Variants in APLF observed in about 807,000 individuals in gnomAD.
APLF encodes the protein aprataxin and PNK-like factor.
APLF carries 61 observed loss-of-function variants against 55.6 expected under a neutral mutation model. That is an observed-to-expected ratio of 1.10 (90% CI 0.89 to 1.36). The LOEUF is 1.36. Ranked by LOEUF, APLF falls within the 40% of genes most tolerant of loss-of-function variation. APLF has a pLI of 0.00. For missense variants in APLF, 611 were observed against 602.5 expected (o/e 1.01, Z -0.15); for synonymous variants, 207 against 214.8 (o/e 0.96, Z 0.32).
chr2:68,567,122 C>CT (rs1250067512), intron 8 of APLF, among the ~76,000 whole-genome samples: 8 of 151,932 alleles, frequency 5.3e-5, no homozygotes, highest in Non-Finnish European at 1.2e-4. Context: ...GAGGTAAGAA[C>CT]TTTGTCTTCT....
At chr2:68,507,982 AT>A (rs1446630791) in intron 3 of APLF, among the ~76,000 whole-genome samples, 1 of 151,846 alleles carries the variant, frequency 6.6e-6, no homozygotes, top group Non-Finnish European at 1.5e-5. Flanking sequence ...GGTGATGAAA[AT>A]GTCATGATAG....
chr2:68,550,269 T>C (rs1670819946), intron 8 of APLF, among the ~76,000 whole-genome samples: 1 of 152,178 alleles, frequency 6.6e-6, no homozygotes, highest in South Asian at 2.1e-4. Flanking sequence ...TTTTACTCTC[T>C]TGTCTAGGCT....
intron 6 of APLF, among the ~76,000 whole-genome samples, chr2:68,530,045 G>C (rs1251697676): frequency 1.3e-5 from 2 of 152,194 alleles, no homozygotes; most frequent in Non-Finnish European, 2.9e-5. Context: ...GCGGTGCCCT[G>C]ACCTGACTGG....
chr2:68,505,543 G>A (rs1041731997), intron 3 of APLF, among the ~76,000 whole-genome samples: 6 of 151,922 alleles, frequency 3.9e-5, no homozygotes, highest in Non-Finnish European at 5.9e-5. Context: ...ACTTTTCTCA[G>A]GCTATTTAAA....
intron 7 of APLF, among the ~76,000 whole-genome samples, chr2:68,540,684 A>G (rs1670522310): frequency 6.6e-6 from 1 of 152,074 alleles, no homozygotes; most frequent in South Asian, 2.1e-4. Context: ...TGCAAGAATC[A>G]ATATTGTAAA....
At chr2:68,468,297 C>A (rs1196577459) in intron 1 of APLF, among the ~76,000 whole-genome samples, 1 of 152,146 alleles carries the variant, frequency 6.6e-6, no homozygotes, top group Non-Finnish European at 1.5e-5. Context: ...GTCTTCTAGG[C>A]TAATTTCTTT....
intron 1 of APLF, among the ~76,000 whole-genome samples, chr2:68,483,964 A>C (rs756787769): frequency 6.6e-5 from 10 of 152,156 alleles, no homozygotes; most frequent in African/African-American, 9.7e-5. Flanking sequence ...AATGAAAGGT[A>C]CCACCCTATT....
At chr2:68,519,047 TATA>T (rs1036332882) in intron 5 of APLF, among the ~76,000 whole-genome samples, 5 of 127,616 alleles carry the variant, frequency 3.9e-5, no homozygotes, top group Admixed American at 8.9e-5. Flanking sequence ...TATATAATAA[TATA>T]ATATATAATT....
rs777045562 is a variant in APLF at position 68,578,044 on chromosome 2, T to A, written c.*22T>A. ...ATAGTAACTAACTTCTGTAGTCATA[T>A]CTGCCTTACATTTACTTTTTCTTTG... On this transcript the variant is annotated 3_prime_UTR_variant, in exon 10 of 10. Transcript: ENST00000303795. 1.9e-6 allele frequency: 3 copies of A among 1,603,654 alleles called. No individual in the cohort carries two copies. The South Asian group carries it at 3.3e-5, about 18-fold the overall frequency.
intron 8 of APLF, among the ~76,000 whole-genome samples, chr2:68,555,225 A>G (rs1379319547): frequency 6.6e-6 from 1 of 152,182 alleles, no homozygotes; most frequent in Non-Finnish European, 1.5e-5. Flanking sequence ...CAAAACTGGA[A>G]AAACCCTTCT....
chr2:68,525,331 C>T (rs951103245), intron 5 of APLF, among the ~76,000 whole-genome samples: 1 of 151,774 alleles, frequency 6.6e-6, no homozygotes, highest in Admixed American at 6.6e-5. Context: ...AGTTTAATTC[C>T]TCACTGTGGA....
chr2:68,513,787 G>A, intron 5 of APLF, 107 bp downstream of exon 5: 1 of 1,309,066 alleles, frequency 7.6e-7, no homozygotes, highest in Non-Finnish European at 1.0e-6. Context: ...ATAGAGTAGA[G>A]GTTGTGTAAG....
intron 3 of APLF, among the ~76,000 whole-genome samples, chr2:68,506,906 A>G (rs1676887099): frequency 6.6e-6 from 1 of 152,064 alleles, no homozygotes; most frequent in African/African-American, 2.4e-5. Context: ...GGTTATAAAC[A>G]TATAAAACAT....
At chr2:68,549,567 A>G (rs755347637) in intron 8 of APLF, among the ~76,000 whole-genome samples, 5 of 152,150 alleles carry the variant, frequency 3.3e-5, no homozygotes, top group African/African-American at 4.8e-5. Flanking sequence ...TTGGCCCAGC[A>G]TATGGGTGAC....
At chr2:68,490,291 C>T (rs1676318847) in intron 2 of APLF, 30 bp downstream of exon 2, 3 of 1,584,162 alleles carry the variant, frequency 1.9e-6, no homozygotes, top group South Asian at 1.1e-5. Context: ...TTCATTTTAA[C>T]TTTCATCTCT....
chr2:68,549,472 C>T (rs967120277), intron 8 of APLF, among the ~76,000 whole-genome samples: 2 of 152,026 alleles, frequency 1.3e-5, no homozygotes, highest in African/African-American at 4.8e-5. Context: ...TTATAATTAT[C>T]ATTATTGATT....
At chr2:68,547,844 T>C (rs571780648) in intron 8 of APLF, among the ~76,000 whole-genome samples, 4 of 151,938 alleles carry the variant, frequency 2.6e-5, no homozygotes, top group East Asian at 1.9e-4. Flanking sequence ...TAATTACTTA[T>C]TTTACAACTA....
At chr2:68,520,978 C>T (rs1411779586) in intron 5 of APLF, among the ~76,000 whole-genome samples, 1 of 152,004 alleles carries the variant, frequency 6.6e-6, no homozygotes, top group African/African-American at 2.4e-5. Flanking sequence ...TTGTTTGTGT[C>T]ATCTATGATT....
intron 9 of APLF, among the ~76,000 whole-genome samples, chr2:68,576,519 A>G (rs1202649119): frequency 1.3e-5 from 2 of 152,138 alleles, no homozygotes; most frequent in South Asian, 2.1e-4. Context: ...TTGATGCTCT[A>G]TTTTTAATAA....
Sources: gnomAD v4.1 joint callset for allele counts (sites outside exome capture counted in the v4.1 genomes callset) on GRCh38, gnomAD v4.1.1 for gene constraint, MANE v1.5 for transcripts, NCBI Gene and HGNC (gene_info 2026-07-23, HGNC 2026-07-21) for gene names.